Variants in COL25A1 observed in about 807,000 individuals in gnomAD.
COL25A1 encodes collagen type XXV alpha 1 chain, also known as collagen alpha-1(XXV) chain.
COL25A1 carries 103 observed loss-of-function variants against 128.4 expected under a neutral mutation model. The observed-to-expected ratio is 0.80, with a 90% confidence interval of 0.68 to 0.94. COL25A1 has a LOEUF of 0.94. Among genes scored for constraint, COL25A1 ranks in the 40% least tolerant of loss-of-function variants. The pLI is 0.00. For synonymous variants in COL25A1, 279 were observed against 277.2 expected (o/e 1.01, Z -0.06); for missense variants, 745 against 840.0 (o/e 0.89, Z 1.40).
chr4:109,256,571 T>C (rs1173406481), intron 3 of COL25A1, among the ~76,000 whole-genome samples: 1 of 152,174 alleles, frequency 6.6e-6, no homozygotes, highest in East Asian at 1.9e-4. Flanking sequence ...TTCCATGTCT[T>C]ATTACTTACA....
intron 5 of COL25A1, among the ~76,000 whole-genome samples, chr4:109,029,212 G>A (rs1208364834): frequency 6.6e-6 from 1 of 152,196 alleles, no homozygotes; most frequent in East Asian, 1.9e-4. Context: ...CAATGATACA[G>A]GAGGGAGGCA....
At chr4:109,166,281 C>T (rs1446298537) in intron 3 of COL25A1, among the ~76,000 whole-genome samples, 1 of 152,202 alleles carries the variant, frequency 6.6e-6, no homozygotes, top group Non-Finnish European at 1.5e-5. Context: ...TTGTCTCCAT[C>T]TCCTTTCTTC....
chr4:108,844,696 G>A, intron 29 of COL25A1, 127 bp from the exon 30 acceptor site: 1 of 1,321,510 alleles, frequency 7.6e-7, no homozygotes, highest in Non-Finnish European at 1.0e-6. Context: ...ACTAGAATAA[G>A]TGATGTGTTT....
intron 3 of COL25A1, among the ~76,000 whole-genome samples, chr4:109,153,246 G>C (rs749560249): frequency 6.6e-6 from 1 of 151,790 alleles, no homozygotes; most frequent in African/African-American, 2.4e-5. Flanking sequence ...TTAGCTGGGC[G>C]TGGTAGCTCA....
intron 6 of COL25A1, among the ~76,000 whole-genome samples, chr4:108,975,231 G>T (rs999572035): frequency 6.6e-6 from 1 of 152,212 alleles, no homozygotes; most frequent in Non-Finnish European, 1.5e-5. Context: ...AAAGCGGGTG[G>T]ATCACCTTAG....
intron 5 of COL25A1, among the ~76,000 whole-genome samples, chr4:109,031,238 A>G (rs1758825555): frequency 1.3e-5 from 2 of 152,124 alleles, no homozygotes; most frequent in South Asian, 4.1e-4. Flanking sequence ...CAGCCTTGTG[A>G]GTAGCTGGGA....
chr4:109,173,512 A>C (rs1386379928), intron 3 of COL25A1, among the ~76,000 whole-genome samples: 1 of 152,214 alleles, frequency 6.6e-6, no homozygotes, highest in Non-Finnish European at 1.5e-5. Context: ...GGTATATAAG[A>C]ATATGCAAAG....
At chr4:109,182,782 G>C (rs1774782514) in intron 3 of COL25A1, among the ~76,000 whole-genome samples, 2 of 152,150 alleles carry the variant, frequency 1.3e-5, no homozygotes, top group South Asian at 4.2e-4. Flanking sequence ...AGAATTAGAG[G>C]CAGATATAGA....
chr4:109,093,198 T>C (rs535788662), intron 3 of COL25A1, among the ~76,000 whole-genome samples: 20 of 152,044 alleles, frequency 1.3e-4, no homozygotes, highest in Non-Finnish European at 2.8e-4. Context: ...CTTTGGAAAA[T>C]ACCAACTAAA....
chr4:109,029,279 T>C (rs1039962683), intron 5 of COL25A1, among the ~76,000 whole-genome samples: 1 of 152,162 alleles, frequency 6.6e-6, no homozygotes, highest in East Asian at 1.9e-4. Flanking sequence ...TCTCATGCCA[T>C]CCCACTCCAT....
At chr4:109,050,081 G>T (rs1760838350) in intron 4 of COL25A1, 54 bp downstream of exon 4, 3 of 1,445,878 alleles carry the variant, frequency 2.1e-6, no homozygotes, top group Non-Finnish European at 2.9e-6. Flanking sequence ...AAGAACAGAT[G>T]CCGGAACTTA....
At chr4:109,220,980 T>G (rs1167968024) in intron 3 of COL25A1, among the ~76,000 whole-genome samples, 2 of 152,100 alleles carry the variant, frequency 1.3e-5, no homozygotes, top group African/African-American at 4.8e-5. Context: ...ATGTGGAAAC[T>G]GAATGTGAGG....
intron 3 of COL25A1, among the ~76,000 whole-genome samples, chr4:109,165,025 C>T (rs1424282987): frequency 6.6e-6 from 1 of 152,088 alleles, no homozygotes; most frequent in East Asian, 1.9e-4. Context: ...ATGTTTGCAA[C>T]AAAAACTGTT....
intron 5 of COL25A1, chr4:109,021,931 C>G (rs1195713789): frequency 8.4e-6 from 3 of 355,620 alleles, no homozygotes; most frequent in Middle Eastern, 9.9e-4. Flanking sequence ...TCTCTGCTCT[C>G]GAACCCTGTT....
At position 108,827,051 on chromosome 4, in the gene COL25A1, C is replaced by G. The variant is rs1732476143; in HGVS notation, c.1764+84G>C. ...TGTTTCTTCTCTAACATTAGTCTGC[C>G]CCACAAGCGAAGGGTTAACCGTGTC... On this transcript the variant is annotated intron_variant, in intron 33 of 37. Coordinates refer to ENST00000399132, the MANE Select transcript of COL25A1 (RefSeq NM_198721.4). 3 of 1,163,746 alleles carry G rather than the reference C, an allele frequency of 2.6e-6. No homozygotes were observed. In the East Asian group the frequency reaches 7.2e-5, roughly 28 times the overall value. 72.1% of individuals were successfully genotyped at this position (1,163,746 alleles called of 1,614,324 possible). A position where few individuals can be genotyped will look rare whatever the true frequency, so the allele number is the denominator to read the frequency against.
chr4:109,268,488 G>A (rs1210535620), intron 3 of COL25A1, among the ~76,000 whole-genome samples: 2 of 152,100 alleles, frequency 1.3e-5, no homozygotes, highest in Non-Finnish European at 2.9e-5. Flanking sequence ...GGGTAGATGA[G>A]CAGTTTGGCT....
At chr4:109,289,560 C>G (rs1247697994) in intron 3 of COL25A1, among the ~76,000 whole-genome samples, 1 of 152,084 alleles carries the variant, frequency 6.6e-6, no homozygotes, top group Non-Finnish European at 1.5e-5. Context: ...ATGAATATAG[C>G]TATCACCCAG....
intron 3 of COL25A1, among the ~76,000 whole-genome samples, chr4:109,118,372 A>AAAGAT (rs1238164362): frequency 1.0e-5 from 1 of 99,928 alleles, no homozygotes; most frequent in African/African-American, 6.9e-5. Flanking sequence ...CACCACAAAA[A>AAAGAT]AAGATAACAC....
chr4:108,968,480 C>T (rs1560948336), intron 8 of COL25A1, among the ~76,000 whole-genome samples: 1 of 145,614 alleles, frequency 6.9e-6, no homozygotes, highest in African/African-American at 2.5e-5. Flanking sequence ...ATTGGCCACT[C>T]TTTTTTTTTT....
Sources: gnomAD v4.1 joint callset for allele counts (sites outside exome capture counted in the v4.1 genomes callset) on GRCh38, gnomAD v4.1.1 for gene constraint, MANE v1.5 for transcripts, NCBI Gene and HGNC (gene_info 2026-07-23, HGNC 2026-07-21) for gene names.